CSNK2A2IP: variants seen among roughly 807,000 people sequenced by gnomAD.
CSNK2A2IP encodes the protein casein kinase II subunit alpha'-interacting protein.
the CSNK2A2IP span, among the ~76,000 whole-genome samples, chr3:88,440,478 G>T: frequency 1.3e-5 from 2 of 152,060 alleles, no homozygotes; most frequent in African/African-American, 4.8e-5. Context: ...AATGGGAACT[G>T]CTCCAAAGAA....
At chr3:88,394,819 A>G in the CSNK2A2IP span, among the ~76,000 whole-genome samples, 1 of 152,140 alleles carries the variant, frequency 6.6e-6, no homozygotes, top group African/African-American at 2.4e-5. Flanking sequence ...GTTGTTGTTT[A>G]TATATTCTGG....
chr3:88,422,208 G>T, the CSNK2A2IP span, among the ~76,000 whole-genome samples: 1 of 151,994 alleles, frequency 6.6e-6, no homozygotes, highest in South Asian at 2.1e-4. Context: ...ATAAAATAAT[G>T]CATTTAAATT....
the CSNK2A2IP span, among the ~76,000 whole-genome samples, chr3:88,348,212 T>C: frequency 6.6e-6 from 1 of 151,974 alleles, no homozygotes; most frequent in Non-Finnish European, 1.5e-5. Context: ...TGTAAATATC[T>C]AAGACTGAGA....
chr3:88,347,661 C>A, the CSNK2A2IP span, among the ~76,000 whole-genome samples: 3 of 151,898 alleles, frequency 2.0e-5, no homozygotes, highest in Non-Finnish European at 2.9e-5. Flanking sequence ...ACTGAGAAAC[C>A]AAAACATTAT....
At chr3:88,456,678 T>C in the CSNK2A2IP span, among the ~76,000 whole-genome samples, 2 of 150,702 alleles carry the variant, frequency 1.3e-5, no homozygotes, top group Non-Finnish European at 3.0e-5. Flanking sequence ...TTTTCAGATG[T>C]GCATCCAATT....
chr3:88,401,747 G>T, the CSNK2A2IP span, among the ~76,000 whole-genome samples: 20 of 151,910 alleles, frequency 1.3e-4, no homozygotes, highest in African/African-American at 4.6e-4. Context: ...TAGCTAACTA[G>T]TCCAACTTTG....
chr3:88,403,204 C>T, the CSNK2A2IP span, among the ~76,000 whole-genome samples: 3 of 151,996 alleles, frequency 2.0e-5, no homozygotes, highest in Admixed American at 6.6e-5. Context: ...GATCCATTTG[C>T]AAAACTATTT....
the CSNK2A2IP span, among the ~76,000 whole-genome samples, chr3:88,362,427 G>A: frequency 6.6e-6 from 1 of 152,196 alleles, no homozygotes; most frequent in Non-Finnish European, 1.5e-5. Context: ...TCCAGGTGAA[G>A]TCTTGCTCTT....
the CSNK2A2IP span, among the ~76,000 whole-genome samples, chr3:88,419,232 C>T: frequency 1.4e-5 from 2 of 146,296 alleles, no homozygotes; most frequent in Admixed American, 6.8e-5. Context: ...ATTCTCCCAC[C>T]CCCTGGTCTG....
the CSNK2A2IP span, among the ~76,000 whole-genome samples, chr3:88,342,697 T>G: frequency 7.2e-6 from 1 of 139,474 alleles, no homozygotes; most frequent in Non-Finnish European, 1.6e-5. Context: ...AATAAAAGGA[T>G]CTGAGCAAGG....
the CSNK2A2IP span, among the ~76,000 whole-genome samples, chr3:88,338,981 T>A: frequency 6.6e-6 from 1 of 152,164 alleles, no homozygotes; most frequent in Non-Finnish European, 1.5e-5. Flanking sequence ...GATGTTTAGA[T>A]GCAGGCATAC....
At chr3:88,445,274 C>CCAAAAAAAAAAAAAAA in the CSNK2A2IP span, among the ~76,000 whole-genome samples, 1 of 9,052 alleles carries the variant, frequency 1.1e-4, no homozygotes, top group Non-Finnish European at 3.9e-4. Flanking sequence ...AGTAAAAATA[C>CCAAAAAAAAAAAAAAA]CAAAAAAAAA....
the CSNK2A2IP span, among the ~76,000 whole-genome samples, chr3:88,406,783 GA>G: frequency 1.3e-5 from 2 of 151,852 alleles, no homozygotes; most frequent in East Asian, 1.9e-4. Context: ...TCTCTGGAAA[GA>G]AAAAAAATGT....
chr3:88,343,965 G>A, the CSNK2A2IP span, among the ~76,000 whole-genome samples: 1 of 151,826 alleles, frequency 6.6e-6, no homozygotes, highest in African/African-American at 2.4e-5. Flanking sequence ...TTTATTTATA[G>A]GATGGCACAT....
At chr3:88,425,639 C>T in the CSNK2A2IP span, among the ~76,000 whole-genome samples, 10 of 152,142 alleles carry the variant, frequency 6.6e-5, no homozygotes, top group East Asian at 1.9e-3. Context: ...GATGAATGTT[C>T]TTTACTTTCT....
the CSNK2A2IP span, among the ~76,000 whole-genome samples, chr3:88,381,152 A>C: frequency 2.0e-5 from 3 of 152,130 alleles, no homozygotes; most frequent in African/African-American, 7.2e-5. Context: ...CCTCGTCCTG[A>C]GATTAGGGTG....
the CSNK2A2IP span, among the ~76,000 whole-genome samples, chr3:88,384,031 TC>T: frequency 6.6e-6 from 1 of 152,262 alleles, no homozygotes; most frequent in Non-Finnish European, 1.5e-5. Context: ...AATAACTTTT[TC>T]TAATTAGTCT....
the CSNK2A2IP span, among the ~76,000 whole-genome samples, chr3:88,366,414 C>G: frequency 1.3e-5 from 2 of 152,038 alleles, no homozygotes; most frequent in Non-Finnish European, 2.9e-5. Context: ...ACCTATAAAG[C>G]AAATTATGAG....
chr3:88,346,583 A>C, the CSNK2A2IP span, among the ~76,000 whole-genome samples: 3 of 152,004 alleles, frequency 2.0e-5, no homozygotes, highest in East Asian at 1.9e-4. Context: ...ACAACAAAGA[A>C]CTGGATGACA....
Sources: allele counts gnomAD v4.1 joint callset (sites outside exome capture counted in the v4.1 genomes callset), GRCh38; gene constraint gnomAD v4.1.1; transcripts MANE v1.5; gene names NCBI Gene and HGNC (gene_info 2026-07-23, HGNC 2026-07-21).